The following ELMO1 variants were observed in gnomAD, a reference collection of about 807,000 sequenced individuals.
ELMO1 encodes the protein engulfment and cell motility 1.
Under a neutral mutation model 98.9 loss-of-function variants are expected in ELMO1, and 26 were observed. That is an observed-to-expected ratio of 0.26 (90% CI 0.19 to 0.36). The LOEUF (loss-of-function observed/expected upper bound fraction) is 0.36. Among genes scored for constraint, ELMO1 ranks in the 10% least tolerant of loss-of-function variants. The pLI, the probability that ELMO1 is intolerant of heterozygous loss-of-function variation, is 1.00. For missense variants in ELMO1, 627 were observed against 935.2 expected (o/e 0.67, Z 4.30); for synonymous variants, 346 against 346.0 (o/e 1.00, Z 0.00).
intron 14 of ELMO1, among the ~76,000 whole-genome samples, chr7:37,127,067 A>G (rs73692623): frequency 3.0e-3 from 459 of 152,324 alleles, no homozygotes; most frequent in African/African-American, 0.011. Flanking sequence ...TGTAATGCCA[A>G]GAGGGGTCAG....
In ELMO1 at chr7:37,129,525, G is replaced by T. The variant is rs566402747; in HGVS notation, c.1191+3605C>A. 8.5e-4 allele frequency among the ~76,000 whole-genome samples: 129 copies of T among 152,260 alleles called. 1 individual carries two copies. The South Asian group carries it at 0.013, about 15-fold the overall frequency. Reference sequence around the variant, plus strand: ...TGGTCCAAATGCCTGCCCCTTCACAGACCTGCATTATCTGTTTCCTTAATG... The same window carrying T: ...TGGTCCAAATGCCTGCCCCTTCACATACCTGCATTATCTGTTTCCTTAATG... On this transcript the variant is annotated intron_variant, in intron 14 of 21. Transcript: ENST00000310758.
At position 36,854,571 on chromosome 7, in the gene ELMO1, T is replaced by G. The variant is rs1228998325; in HGVS notation, c.*980A>C. 6.6e-6 allele frequency: 1 copy of G among 151,222 alleles called. No individual in the cohort carries two copies. Among genetic ancestry groups the G allele is most frequent in the Non-Finnish European group, 1.5e-5 (1 of 67,860 alleles). 9.4% of individuals were successfully genotyped at this position (151,222 alleles called of 1,614,324 possible). ...AAAAAAAAAACTAACCCAAAACTCTTGCAAATTGTAAATACCAGTAATAAT... is the reference window on the plus strand; with the variant it reads ...AAAAAAAAAACTAACCCAAAACTCTGGCAAATTGTAAATACCAGTAATAAT... On this transcript the variant is annotated 3_prime_UTR_variant, in exon 22 of 22. Coordinates refer to ENST00000310758, the MANE Select transcript of ELMO1 (RefSeq NM_014800.11).
At chr7:37,373,348 G>T (rs1043553091) in intron 1 of ELMO1, among the ~76,000 whole-genome samples, 2 of 152,052 alleles carry the variant, frequency 1.3e-5, no homozygotes, top group African/African-American at 4.8e-5. Context: ...GGCTCACACC[G>T]GTAATCCCAG....
At chr7:37,152,560 C>T (rs1334500398) in intron 13 of ELMO1, among the ~76,000 whole-genome samples, 2 of 151,712 alleles carry the variant, frequency 1.3e-5, no homozygotes, top group Non-Finnish European at 2.9e-5. Flanking sequence ...CCTATGTGTG[C>T]ATGTGTGTGG....
chr7:36,927,049 A>G (rs1785633641), intron 16 of ELMO1, among the ~76,000 whole-genome samples: 1 of 152,240 alleles, frequency 6.6e-6, no homozygotes, highest in Non-Finnish European at 1.5e-5. Flanking sequence ...TAACAAGACT[A>G]ACACTTCTAG....
intron 1 of ELMO1, among the ~76,000 whole-genome samples, chr7:37,366,414 T>C (rs1338613907): frequency 1.3e-5 from 2 of 152,210 alleles, no homozygotes; most frequent in Non-Finnish European, 2.9e-5. Flanking sequence ...GTGAGGAAGG[T>C]CAGCAAATAT....
chr7:37,303,350 AT>A (rs1798440949), intron 4 of ELMO1, among the ~76,000 whole-genome samples: 1 of 152,150 alleles, frequency 6.6e-6, no homozygotes, highest in Non-Finnish European at 1.5e-5. Flanking sequence ...TAAAGTCACT[AT>A]TTTTTCATCG....
At chr7:36,996,169 T>G (rs778005197) in intron 16 of ELMO1, among the ~76,000 whole-genome samples, 1 of 152,202 alleles carries the variant, frequency 6.6e-6, no homozygotes, top group Non-Finnish European at 1.5e-5. Context: ...AATAGCTTAA[T>G]TTTTTTCATC....
At chr7:37,113,545 C>G (rs760188033) in intron 14 of ELMO1, among the ~76,000 whole-genome samples, 2 of 152,020 alleles carry the variant, frequency 1.3e-5, no homozygotes, top group East Asian at 1.9e-4. Context: ...CATGTGGCTA[C>G]CCAGGAACAG....
chr7:37,398,172 A>T lies in ELMO1; in HGVS notation c.-74+50503T>A, dbSNP rs142010347. ...ATCCCAGAATTTAACATTTAAATTT[A>T]AATTTTAAAAAGGATGGCCAATAAT... On this transcript the variant is annotated intron_variant, in intron 1 of 21. Coordinates refer to ENST00000310758, the MANE Select transcript of ELMO1 (RefSeq NM_014800.11). Among the ~76,000 whole-genome samples, 406 of 152,312 alleles carry T rather than the reference A, an allele frequency of 2.7e-3. 3 individuals carry two copies. Among genetic ancestry groups the T allele is most frequent in the African/African-American group, 9.3e-3 (387 of 41,566 alleles).
intron 21 of ELMO1, among the ~76,000 whole-genome samples, chr7:36,858,062 A>G (rs1802342812): frequency 6.6e-6 from 1 of 152,208 alleles, no homozygotes; most frequent in South Asian, 2.1e-4. Context: ...ATGATTTCCT[A>G]CTCAACCCCT....
chr7:37,060,961 C>CT (rs1796639380), intron 15 of ELMO1, among the ~76,000 whole-genome samples: 1 of 152,122 alleles, frequency 6.6e-6, no homozygotes, highest in Admixed American at 6.6e-5. Flanking sequence ...TTTCCAAGTA[C>CT]ACATCTGAAT....
At chr7:37,161,308 G>A (rs1789185600) in intron 13 of ELMO1, among the ~76,000 whole-genome samples, 1 of 152,002 alleles carries the variant, frequency 6.6e-6, no homozygotes, top group Admixed American at 6.6e-5. Flanking sequence ...CTGGCTCCAG[G>A]GTTCTGATTC....
At chr7:37,406,429 G>C (rs12538195) in intron 1 of ELMO1, among the ~76,000 whole-genome samples, 34,949 of 151,406 alleles carry the variant, frequency 0.23, 4,236 homozygotes, top group East Asian at 0.41. Context: ...GAGGAAGTAA[G>C]AAAATTTTTT....
chr7:36,924,381 T>C (rs2129077524), intron 16 of ELMO1, among the ~76,000 whole-genome samples: 1 of 152,242 alleles, frequency 6.6e-6, no homozygotes. Flanking sequence ...GCGAGGGCCC[T>C]CCTGCTGGCA....
In ELMO1 at chr7:37,291,443, T is replaced by A. The variant is rs1797673906; in HGVS notation, c.193-19561A>T. 2.6e-5 allele frequency among the ~76,000 whole-genome samples: 4 copies of A among 152,252 alleles called. No individual in the cohort carries two copies. The South Asian group carries it at 8.3e-4, about 32-fold the overall frequency. Reference sequence around the variant, plus strand: ...AAAACAACTATGGACTGGGTAGAAATTTAGGAAAAAGAATTTGTGTCCACA... The same window carrying A: ...AAAACAACTATGGACTGGGTAGAAAATTAGGAAAAAGAATTTGTGTCCACA... On this transcript the variant is annotated intron_variant, in intron 4 of 21. Transcript: ENST00000310758.
rs376380359 is a variant in ELMO1, at chr7:36,943,519, T to C, written c.1438-48502A>G. Among the ~76,000 whole-genome samples, 6 of 152,322 alleles carry C rather than the reference T, an allele frequency of 3.9e-5. No homozygotes were observed. The East Asian group carries it at 9.7e-4, about 25-fold the overall frequency. ...CAATTTCATTCATAGACAATTTGAT[T>C]GGAGTTTTGGGGGATAAGGACTGTC... On this transcript the variant is annotated intron_variant, in intron 16 of 21. Coordinates refer to ENST00000310758, the MANE Select transcript of ELMO1 (RefSeq NM_014800.11).
At chr7:37,074,750 A>C (rs1320937225) in intron 15 of ELMO1, among the ~76,000 whole-genome samples, 1 of 152,218 alleles carries the variant, frequency 6.6e-6, no homozygotes, top group Non-Finnish European at 1.5e-5. Context: ...GAACGTACCA[A>C]AGAGCAGAGT....
intron 2 of ELMO1, among the ~76,000 whole-genome samples, chr7:37,318,980 C>T (rs1799347105): frequency 6.6e-6 from 1 of 152,168 alleles, no homozygotes; most frequent in South Asian, 2.1e-4. Context: ...TCCAACAAAT[C>T]CTTCATAGTT....
Sources: allele counts gnomAD v4.1 joint callset (sites outside exome capture counted in the v4.1 genomes callset), GRCh38; gene constraint gnomAD v4.1.1; transcripts MANE v1.5; gene names NCBI Gene and HGNC (gene_info 2026-07-23, HGNC 2026-07-21).